Variants in PARP11 observed in about 807,000 individuals in gnomAD.
The protein encoded by PARP11 is poly(ADP-ribose) polymerase family member 11, also known as protein mono-ADP-ribosyltransferase PARP11.
A neutral mutation model predicts 42.9 loss-of-function variants in PARP11; 31 were observed. That is an observed-to-expected ratio of 0.72 (90% confidence interval 0.54 to 0.98). The LOEUF (loss-of-function observed/expected upper bound fraction) is 0.98. PARP11 is among the 50% of genes least tolerant of loss of function. The pLI is 0.00. For missense variants in PARP11, 365 were observed against 413.1 expected, an observed-to-expected ratio of 0.88 and a Z score of 1.01; for synonymous variants, 137 against 127.3, an observed-to-expected ratio of 1.08 and a Z score of -0.51.
chr12:3,824,638 T>A, intron 4 of PARP11: 1 of 984,448 alleles, frequency 1.0e-6, no homozygotes, highest in Non-Finnish European at 1.2e-6. Context: ...TCTGCTTAGT[T>A]CTCTCCTTGT....
chr12:3,854,003 A>G (rs909272486), intron 1 of PARP11, among the ~76,000 whole-genome samples: 6 of 152,228 alleles, frequency 3.9e-5, no homozygotes, highest in African/African-American at 1.2e-4. Context: ...ACACAACTGC[A>G]TGGAAACTGA....
chr12:3,863,490 C>A (rs1222066470), intron 1 of PARP11, among the ~76,000 whole-genome samples: 4 of 152,140 alleles, frequency 2.6e-5, no homozygotes, highest in Non-Finnish European at 5.9e-5. Context: ...TCTGAAGATG[C>A]CCTTTGTGTC....
intron 1 of PARP11, chr12:3,839,868 C>T (rs1249900528): frequency 9.2e-7 from 1 of 1,090,080 alleles, no homozygotes; most frequent in Non-Finnish European, 1.4e-6. Context: ...TGGAACTAGA[C>T]ACGTTGGAAG....
In PARP11 at chr12:3,840,377, A is replaced by C; in HGVS notation, c.19-10359T>G. The C allele has an allele frequency of 6.2e-7, 1 of 1,614,052 alleles. No individual in the cohort carries two copies. The highest frequency in any genetic ancestry group is 1.1e-5 in the South Asian group (1 of 91,074). On this transcript the variant is annotated intron_variant, in intron 1 of 7. Coordinates refer to ENST00000228820, the MANE Select transcript of PARP11 (RefSeq NM_020367.6). The surrounding 1 kb of genome is among the most constrained non-coding windows in gnomAD (Gnocchi z 4.4). ...GGACAAAATTTCCATTCTGATATGG[A>C]TTACAGAGGGCCAAAGAATCCAAGC...
intron 6 of PARP11, among the ~76,000 whole-genome samples, chr12:3,818,852 G>A (rs760735420): frequency 6.6e-6 from 1 of 152,034 alleles, no homozygotes; most frequent in Non-Finnish European, 1.5e-5. Flanking sequence ...GTTTTCTCCC[G>A]CTTTCTGTGG....
At chr12:3,850,584 C>T (rs563490193) in intron 1 of PARP11, among the ~76,000 whole-genome samples, 84 of 152,282 alleles carry the variant, frequency 5.5e-4, no homozygotes, top group African/African-American at 1.6e-3. Flanking sequence ...AGGCTGGATA[C>T]GCCAATGGCA....
chr12:3,823,194 A>T (rs1368311275), intron 4 of PARP11, among the ~76,000 whole-genome samples: 1 of 152,226 alleles, frequency 6.6e-6, no homozygotes, highest in Non-Finnish European at 1.5e-5. Context: ...AAAATCAAAT[A>T]GGTGATTTAA....
intron 1 of PARP11, among the ~76,000 whole-genome samples, chr12:3,857,445 G>T (rs752819399): frequency 6.6e-6 from 1 of 152,064 alleles, no homozygotes; most frequent in Non-Finnish European, 1.5e-5. Context: ...TCACTGTTTT[G>T]ACATTATTAT....
In PARP11 at chr12:3,809,932, T is replaced by C. The variant is rs547193705; in HGVS notation, c.*2191A>G. 17 of 152,362 alleles carry C rather than the reference T, an allele frequency of 1.1e-4. No individual in the cohort carries two copies. Among genetic ancestry groups the C allele is most frequent in the African/African-American group, 3.6e-4 (15 of 41,586 alleles). 9.4% of individuals were successfully genotyped at this position (152,362 alleles called of 1,614,324 possible). A position where few individuals can be genotyped will look rare whatever the true frequency, so the allele number is the denominator to read the frequency against. ...GCATACCTGAGCCAGGAAATCTTTG[T>C]TGCCACTTTGTTTCAAAGTATTGTA... On this transcript the variant is annotated 3_prime_UTR_variant, in exon 8 of 8. Coordinates refer to ENST00000228820, the MANE Select transcript of PARP11 (RefSeq NM_020367.6).
chr12:3,814,190 TA>T lies in PARP11; in HGVS notation c.549-3del. 1 of 1,597,004 alleles carries T rather than the reference TA, an allele frequency of 6.3e-7. No homozygotes were observed. The highest frequency in any genetic ancestry group is 8.6e-7 in the Non-Finnish European group (1 of 1,169,364). On this transcript the variant is annotated splice_region_variant and splice_polypyrimidine_tract_variant and intron_variant, in intron 6 of 7. Transcript: ENST00000228820. ...TTTTTCTTGAGCTGAGCCTTTTTCC[TA>T]AAAACACAATATACACAGACACAAA...
rs1040774015 is a variant in PARP11 at position 3,840,321 on chromosome 12, A to G, written c.19-10303T>C. The G allele has an allele frequency of 1.7e-5, 27 of 1,614,028 alleles. No individual in the cohort carries two copies. The highest frequency in any genetic ancestry group is 1.6e-4 in the Middle Eastern group (1 of 6,084). ...CCCCAGAAAGCTGGAACACAGTGTC[A>G]GGGAAGAAGATGAAAAAACCTTCCA... is the stretch of plus-strand genomic sequence containing the variant. On this transcript the variant is annotated intron_variant, in intron 1 of 7. Coordinates refer to ENST00000228820, the MANE Select transcript of PARP11 (RefSeq NM_020367.6). This position sits in a 1 kb window ranked among gnomAD's most constrained non-coding sequence, Gnocchi z 4.4.
chr12:3,839,935 A>G lies in PARP11; in HGVS notation c.19-9917T>C, dbSNP rs11062857. 14,110 of 1,179,234 alleles carry G rather than the reference A, an allele frequency of 0.012. 681 individuals carry two copies. The East Asian group carries it at 0.13, about 11-fold the overall frequency. 73.0% of individuals were successfully genotyped at this position (1,179,234 alleles called of 1,614,324 possible). ...TTCAGAGGATGACAGCTGCAAGAGTAAAACTGCTGTTGCTGCTGCTGATGT... is the reference window on the plus strand; with the variant it reads ...TTCAGAGGATGACAGCTGCAAGAGTGAAACTGCTGTTGCTGCTGCTGATGT... On this transcript the variant is annotated intron_variant, in intron 1 of 7. Transcript: ENST00000228820.
At chr12:3,839,580 C>A in intron 1 of PARP11, 1 of 1,361,210 alleles carries the variant, frequency 7.3e-7, no homozygotes, top group Non-Finnish European at 1.1e-6. Context: ...ATTTAAAGCG[C>A]TTGGAAAATC....
chr12:3,821,834 T>G (rs752984092), intron 6 of PARP11, 39 bp downstream of exon 6: 4 of 1,573,172 alleles, frequency 2.5e-6, no homozygotes, highest in Middle Eastern at 1.7e-4. Context: ...ATAAAAGACA[T>G]AGTGGAAAGG....
chr12:3,842,680 A>G (rs1947916690), intron 1 of PARP11, among the ~76,000 whole-genome samples: 1 of 152,218 alleles, frequency 6.6e-6, no homozygotes, highest in Non-Finnish European at 1.5e-5. Flanking sequence ...ACATGAGTTC[A>G]AGGGGGCAGG....
chr12:3,843,192 G>C (rs1330691939), intron 1 of PARP11, among the ~76,000 whole-genome samples: 1 of 152,046 alleles, frequency 6.6e-6, no homozygotes, highest in Non-Finnish European at 1.5e-5. Flanking sequence ...TTGAATTTTG[G>C]TATTTGTTGA....
In PARP11 at chr12:3,831,707, T is replaced by C. The variant is rs541960226; in HGVS notation, c.19-1689A>G. Among the ~76,000 whole-genome samples the C allele has an allele frequency of 2.6e-5, 4 of 152,340 alleles. No individual in the cohort carries two copies. In the East Asian group the frequency reaches 7.7e-4, roughly 29 times the overall value. On this transcript the variant is annotated intron_variant, in intron 1 of 7. Transcript: ENST00000228820. The stretch of plus-strand genomic sequence containing the variant: ...CTTCATGTTTTAAATTTGGTTGGCT[T>C]CTAAGAAATGAAAAATAGAACACCC...
intron 1 of PARP11, among the ~76,000 whole-genome samples, chr12:3,849,635 T>G (rs1169336882): frequency 6.6e-6 from 1 of 152,130 alleles, no homozygotes; most frequent in Non-Finnish European, 1.5e-5. Context: ...AGATTGGTGG[T>G]TACCAGAGGC....
At chr12:3,871,495 T>C (rs1389716660) in intron 1 of PARP11, among the ~76,000 whole-genome samples, 2 of 152,326 alleles carry the variant, frequency 1.3e-5, no homozygotes, top group Non-Finnish European at 2.9e-5. Flanking sequence ...CTATTCCATA[T>C]AGCCTTAGGT....
Sources: gnomAD v4.1 joint callset for allele counts (sites outside exome capture counted in the v4.1 genomes callset) on GRCh38, gnomAD v4.1.1 for gene constraint, Gnocchi (gnomAD v3.1) non-coding constraint, MANE v1.5 for transcripts, NCBI Gene and HGNC (gene_info 2026-07-23, HGNC 2026-07-21) for gene names.